SLC35A5: variants seen among roughly 807,000 people sequenced by gnomAD.
SLC35A5 encodes UDP-sugar transporter protein SLC35A5.
Under a neutral mutation model 36.3 loss-of-function variants are expected in SLC35A5, and 28 were observed. The observed-to-expected ratio is 0.77, with a 90% CI of 0.57 to 1.06. The LOEUF is 1.06. SLC35A5 is among the 50% of genes least tolerant of loss of function. The probability of loss-of-function intolerance (pLI) is 0.00; values close to 1 mark genes in which losing one functional copy is unlikely to be tolerated. For missense variants in SLC35A5, 521 were observed against 499.3 expected, an observed-to-expected ratio of 1.04 and a Z score of -0.41; for synonymous variants, 180 against 173.7, an observed-to-expected ratio of 1.04 and a Z score of -0.29.
chr3:112,563,524 G>C lies in SLC35A5; in HGVS notation c.121G>C (p.Ala41Pro). 1 of 1,599,474 alleles carries C rather than the reference G, an allele frequency of 6.3e-7. No individual in the cohort carries two copies. The highest frequency in any genetic ancestry group is 1.1e-5 in the South Asian group (1 of 89,884). The change falls in exon 2 of 7, where the codon GCC becomes CCC. Residue 41 changes from alanine (A) to proline (P), a missense_variant. By Grantham distance (27) the Ala-to-Pro change is conservative. Transcript: ENST00000492406. ...SSRILLVKYS[A>P]NEENKYDYLP... Reference sequence around the variant, plus strand: ...TCGCATCTTACTAGTGAAGTATTCTGCCAATGAAGGTAAGTTAAGACTTGG... The same window carrying C: ...TCGCATCTTACTAGTGAAGTATTCTCCCAATGAAGGTAAGTTAAGACTTGG...
At chr3:112,566,947 C>G (rs1934221712) in intron 2 of SLC35A5, among the ~76,000 whole-genome samples, 1 of 152,188 alleles carries the variant, frequency 6.6e-6, no homozygotes, top group Non-Finnish European at 1.5e-5. Context: ...AAAAGATACA[C>G]TGGGTGTGGT....
At chr3:112,575,758 C>CTTTTTTT in intron 5 of SLC35A5, among the ~76,000 whole-genome samples, 1 of 128,166 alleles carries the variant, frequency 7.8e-6, no homozygotes, top group Non-Finnish European at 1.6e-5. Context: ...TATTTTATTA[C>CTTTTTTT]TTTTTTTTTT....
Position 112,580,573 on chromosome 3 carries a change from T to C in SLC35A5, c.456T>C (p.Ala152=). The change falls in exon 6 of 7, where the codon GCT becomes GCC. Residue 152 remains alanine, a synonymous_variant. Coordinates refer to ENST00000492406, the MANE Select transcript of SLC35A5 (RefSeq NM_017945.5). Reference sequence around the variant, plus strand: ...GGCGTCTAAACTGGATCCAGTGGGCTTCCCTCCTGACTTTATTTTTGTCTA... The same window carrying C: ...GGCGTCTAAACTGGATCCAGTGGGCCTCCCTCCTGACTTTATTTTTGTCTA... ...LKRRLNWIQW[A]SLLTLFLSIV... 6.2e-7 allele frequency: 1 copy of C among 1,613,586 alleles called. No homozygotes were observed. The highest frequency in any genetic ancestry group is 1.7e-5 in the Admixed American group (1 of 59,922).
chr3:112,570,610 T>A lies in SLC35A5; in HGVS notation c.300T>A (p.Pro100=). The stretch of plus-strand genomic sequence containing the variant: ...CTGATTTCATGAAGTGGTCCATTCC[T>A]GCCTTTCTTTATTTCCTGGATAACT... ...EFSDFMKWSI[P]AFLYFLDNLI... Residue 100 remains proline, a synonymous_variant, in exon 4 of 7, where the codon CCT becomes CCA. Coordinates refer to ENST00000492406, the MANE Select transcript of SLC35A5 (RefSeq NM_017945.5). 1 of 1,613,074 alleles carries A rather than the reference T, an allele frequency of 6.2e-7. No individual in the cohort carries two copies. The highest frequency in any genetic ancestry group is 8.5e-7 in the Non-Finnish European group (1 of 1,179,512).
At chr3:112,575,926 A>T (rs888414640) in intron 5 of SLC35A5, among the ~76,000 whole-genome samples, 14 of 151,568 alleles carry the variant, frequency 9.2e-5, no homozygotes, top group African/African-American at 2.9e-4. Context: ...CGCCCAGCTA[A>T]TTTTTGTATT....
Position 112,563,536 on chromosome 3 carries a change from A to G in SLC35A5, c.130+3A>G. On this transcript the variant is annotated splice_donor_region_variant and intron_variant, in intron 2 of 6. Coordinates refer to ENST00000492406, the MANE Select transcript of SLC35A5 (RefSeq NM_017945.5). Reference sequence around the variant, plus strand: ...AGTGAAGTATTCTGCCAATGAAGGTAAGTTAAGACTTGGTATATGCATGGA... The same window carrying G: ...AGTGAAGTATTCTGCCAATGAAGGTGAGTTAAGACTTGGTATATGCATGGA... 1 of 1,596,976 alleles carries G rather than the reference A, an allele frequency of 6.3e-7. No homozygotes were observed. The highest frequency in any genetic ancestry group is 8.6e-7 in the Non-Finnish European group (1 of 1,167,346).
intron 5 of SLC35A5, among the ~76,000 whole-genome samples, chr3:112,577,286 T>C (rs1340032080): frequency 6.6e-6 from 1 of 152,170 alleles, no homozygotes. Flanking sequence ...TAAAAGACAA[T>C]ATTAGATTAT....
chr3:112,574,041 T>C, intron 5 of SLC35A5, 85 bp downstream of exon 5: 1 of 1,208,582 alleles, frequency 8.3e-7, no homozygotes, highest in Non-Finnish European at 1.2e-6. Flanking sequence ...CACTGAGCCG[T>C]CAGAATCCCA....
intron 2 of SLC35A5, among the ~76,000 whole-genome samples, chr3:112,568,575 A>G (rs777916168): frequency 1.3e-5 from 2 of 152,184 alleles, no homozygotes; most frequent in Admixed American, 6.5e-5. Flanking sequence ...TCTCGGCCCT[A>G]AAGGTAGCAG....
chr3:112,572,592 T>G (rs1398101036), intron 4 of SLC35A5, among the ~76,000 whole-genome samples: 1 of 152,242 alleles, frequency 6.6e-6, no homozygotes, highest in African/African-American at 2.4e-5. Context: ...GGCAACTTCC[T>G]TATTTTTCTT....
intron 2 of SLC35A5, 123 bp downstream of exon 2, chr3:112,563,656 A>T: frequency 9.5e-7 from 1 of 1,048,792 alleles, no homozygotes; most frequent in Non-Finnish European, 1.3e-6. Context: ...TGAGTGATAA[A>T]GCATATTTAA....
chr3:112,577,845 A>G (rs1486406160), intron 5 of SLC35A5, among the ~76,000 whole-genome samples: 1 of 152,214 alleles, frequency 6.6e-6, no homozygotes, highest in Non-Finnish European at 1.5e-5. Context: ...GTGACTTCTC[A>G]TTATAAATCT....
rs754946726 is a variant in SLC35A5, at chr3:112,563,563, C to T, written c.130+30C>T. The stretch of plus-strand genomic sequence containing the variant: ...GTTAAGACTTGGTATATGCATGGAG[C>T]ACTTCCATCTAATCACACATCTCTC... On this transcript the variant is annotated intron_variant, in intron 2 of 6. Transcript: ENST00000492406. 2.6e-6 allele frequency: 4 copies of T among 1,540,902 alleles called. No homozygotes were observed. In the East Asian group the frequency reaches 9.3e-5, roughly 36 times the overall value.
chr3:112,581,153 GTGTC>G lies in SLC35A5; in HGVS notation c.1041_1044del (p.Val348TrpfsTer45). 1 of 1,613,988 alleles carries G rather than the reference GTGTC, an allele frequency of 6.2e-7. No homozygotes were observed. Among genetic ancestry groups the G allele is most frequent in the Non-Finnish European group, 8.5e-7 (1 of 1,179,932 alleles). ...GGTTACCACTGTCATTATCACAACA[GTGTC>G]TGTCCTGGTCTTTGACTTCAGGCCC... On this transcript the variant is annotated frameshift_variant, in exon 6 of 7. Coordinates refer to ENST00000492406, the MANE Select transcript of SLC35A5 (RefSeq NM_017945.5). LOFTEE classifies it high-confidence loss of function.
rs1169349471 is a variant in SLC35A5, at chr3:112,584,258, C to A, written c.*1522C>A. 2 of 152,086 alleles carry A rather than the reference C, an allele frequency of 1.3e-5. No homozygotes were observed. Among genetic ancestry groups the A allele is most frequent in the Non-Finnish European group, 2.9e-5 (2 of 68,004 alleles). 9.4% of individuals were successfully genotyped at this position (152,086 alleles called of 1,614,324 possible). A position where few individuals can be genotyped will look rare whatever the true frequency, so the allele number is the denominator to read the frequency against. On this transcript the variant is annotated 3_prime_UTR_variant, in exon 7 of 7. Coordinates refer to ENST00000492406, the MANE Select transcript of SLC35A5 (RefSeq NM_017945.5). ...ACCTACACAACTTTTAAAACTTTCTCTTTAAGTAGATCTTTACTTCTAACA... is the reference window on the plus strand; with the variant it reads ...ACCTACACAACTTTTAAAACTTTCTATTTAAGTAGATCTTTACTTCTAACA...
At chr3:112,561,371 G>T, upstream of SLC35A5, 1 of 1,419,506 alleles carries the variant, frequency 7.0e-7, no homozygotes, top group South Asian at 1.2e-5. Flanking sequence ...TTGCCCCGCC[G>T]GAGAAAGCGG....
chr3:112,579,931 CA>C (rs908836781), intron 5 of SLC35A5, among the ~76,000 whole-genome samples: 1 of 152,176 alleles, frequency 6.6e-6, no homozygotes, highest in Non-Finnish European at 1.5e-5. Context: ...GGAAAATAAA[CA>C]AAGGATTGTT....
At chr3:112,582,434 G>A (rs888825396) in intron 6 of SLC35A5, among the ~76,000 whole-genome samples, 1 of 152,112 alleles carries the variant, frequency 6.6e-6, no homozygotes, top group Non-Finnish European at 1.5e-5. Context: ...CCAGCAGGTG[G>A]TGCTCCTCAC....
At chr3:112,572,377 A>C (rs992484062) in intron 4 of SLC35A5, among the ~76,000 whole-genome samples, 6 of 152,164 alleles carry the variant, frequency 3.9e-5, no homozygotes, top group African/African-American at 1.4e-4. Context: ...CCAGGTGATC[A>C]CCTGAAGTTT....
Sources: allele counts gnomAD v4.1 joint callset (sites outside exome capture counted in the v4.1 genomes callset), GRCh38; gene constraint gnomAD v4.1.1; transcripts MANE v1.5; gene names NCBI Gene and HGNC (gene_info 2026-07-23, HGNC 2026-07-21).